The following ATP13A2 variants were observed in gnomAD, a reference collection of about 807,000 sequenced individuals.
The protein encoded by ATP13A2 is ATPase cation transporting 13A2, also known as polyamine-transporting ATPase 13A2.
A neutral mutation model predicts 138.3 loss-of-function variants in ATP13A2; 83 were observed. The ratio of observed to expected loss-of-function variants is 0.60; its 90% CI spans 0.50 to 0.72. The LOEUF (loss-of-function observed/expected upper bound fraction) is 0.72, where lower values mean the gene tolerates loss of function less well. Among genes scored for constraint, ATP13A2 ranks in the 30% least tolerant of loss-of-function variants. The probability of loss-of-function intolerance (pLI) is 0.00; values close to 1 mark genes in which losing one functional copy is unlikely to be tolerated. For missense variants in ATP13A2, 1,402 were observed against 1,606.4 expected (o/e 0.87, Z 2.17); for synonymous variants, 663 against 699.0 (o/e 0.95, Z 0.81).
chr1:16,988,582 G>C, intron 23 of ATP13A2, 108 bp from the exon 24 acceptor site: 9 of 1,309,784 alleles, frequency 6.9e-6, no homozygotes, highest in Non-Finnish European at 9.9e-6. Flanking sequence ...ATGGTGCCTG[G>C]TGTACAGGAG....
In ATP13A2 at chr1:16,988,193, T is replaced by C; in HGVS notation, c.2804A>G (p.Lys935Arg). Residue 935 changes from lysine (K) to arginine (R), a missense_variant, in exon 25 of 29, where the codon AAG becomes AGG. Lys to Arg is a conservative substitution (Grantham distance 26, BLOSUM62 2). Transcript: ENST00000326735. ...GGTCAGGCTGTACAGAGCCATGTAC[T>C]TGAAGACGCTGAACGAAGTGTCAAG... Reference protein sequence around the residue: ...CSLDTSFSVFKYMALYSLTQF... With the variant: ...CSLDTSFSVFRYMALYSLTQF... The C allele has an allele frequency of 1.9e-6, 3 of 1,614,200 alleles. No individual in the cohort carries two copies. Among genetic ancestry groups the C allele is most frequent in the East Asian group, 4.5e-5 (2 of 44,874 alleles).
intron 1 of ATP13A2, among the ~76,000 whole-genome samples, chr1:17,008,358 A>C (rs764589110): frequency 4.6e-5 from 7 of 152,058 alleles, no homozygotes; most frequent in Non-Finnish European, 8.8e-5. Flanking sequence ...ATTTGTTCCT[A>C]AGAATTTCTT....
rs202166353 is a variant in ATP13A2 at position 16,987,089 on chromosome 1, C to T, written c.3040G>A (p.Gly1014Ser). ...AGGAAGTAGCCCCCTAGCTGCACGC[C>T]GGTCACCAGGACCATCTGCAGCAGC... ...SLLLQMVLVT[G>S]VQLGGYFLTL... The change falls in exon 26 of 29, where the codon GGC (glycine) becomes AGC (serine). Residue 1014 changes from glycine (G) to serine (S), a missense_variant. Coordinates refer to ENST00000326735, the MANE Select transcript of ATP13A2 (RefSeq NM_022089.4). 3.2e-5 allele frequency: 51 copies of T among 1,613,428 alleles called. 1 individual carries two copies. The highest frequency in any genetic ancestry group is 2.5e-4 in the East Asian group (11 of 44,872).
rs1385085235 is a variant in ATP13A2, at chr1:16,996,138, C to G, written c.1380G>C (p.Arg460=). ...NRVPLNEIVI[R]ALDLVTVVVP... The stretch of plus-strand genomic sequence containing the variant: ...CCACCACGGTCACCAGGTCGAGAGC[C>G]CGGATTACAATCTCATTCAGAGGCA... The change falls in exon 15 of 29, where the codon CGG becomes CGC. Residue 460 remains arginine, a synonymous_variant. Coordinates refer to ENST00000326735, the MANE Select transcript of ATP13A2 (RefSeq NM_022089.4). 25 of 1,614,068 alleles carry G rather than the reference C, an allele frequency of 1.5e-5. No homozygotes were observed. The highest frequency in any genetic ancestry group is 2.0e-5 in the Non-Finnish European group (24 of 1,180,034).
At chr1:17,003,666 C>CT (rs71006407) in intron 6 of ATP13A2, among the ~76,000 whole-genome samples, 5 of 129,812 alleles carry the variant, frequency 3.9e-5, no homozygotes, top group Admixed American at 7.8e-5. Flanking sequence ...GTTTCTTTTT[C>CT]TTTTTTTTTT....
chr1:16,996,239 AC>A lies in ATP13A2; in HGVS notation c.1353+14del. On this transcript the variant is annotated intron_variant, in intron 14 of 28. Transcript: ENST00000326735. ...CCCTGCTGGCAGCACCCCCCACCCC[AC>A]CCCCAAGGCTTACCCGGTTTCGGTA... The A allele has an allele frequency of 6.2e-7, 1 of 1,612,738 alleles. No homozygotes were observed. The highest frequency in any genetic ancestry group is 8.5e-7 in the Non-Finnish European group (1 of 1,179,334).
Position 17,011,674 on chromosome 1 carries a change from A to C in ATP13A2, c.10+55T>G. The C allele has an allele frequency of 6.8e-7, 1 of 1,476,802 alleles. No homozygotes were observed. 91.5% of individuals were successfully genotyped at this position (1,476,802 alleles called of 1,614,324 possible). A position where few individuals can be genotyped will look rare whatever the true frequency, so the allele number is the denominator to read the frequency against. On this transcript the variant is annotated intron_variant, in intron 1 of 28. Transcript: ENST00000326735. This position sits in a 1 kb window ranked among gnomAD's most constrained non-coding sequence, Gnocchi z 7.3. ...CCTCTCCCTCCAAGGGGTGACGACA[A>C]CTGGCGGGCCGGGGACCGCGCCGGG...
chr1:17,011,643 G>A lies in ATP13A2; in HGVS notation c.10+86C>T. The A allele has an allele frequency of 6.4e-6, 9 of 1,405,114 alleles. No individual in the cohort carries two copies. Among genetic ancestry groups the A allele is most frequent in the South Asian group, 1.4e-5 (1 of 69,230 alleles). The allele number at this position is 1,405,114 out of a possible 1,614,324, so 87.0% of individuals were successfully genotyped here. ...TCGCGACCCCGCGGTGGGGGGCGTCGCCTCCCCTCTCCCTCCAAGGGGTGA... is the reference window on the plus strand; with the variant it reads ...TCGCGACCCCGCGGTGGGGGGCGTCACCTCCCCTCTCCCTCCAAGGGGTGA... On this transcript the variant is annotated intron_variant, in intron 1 of 28. Transcript: ENST00000326735. This position sits in a 1 kb window ranked among gnomAD's most constrained non-coding sequence, Gnocchi z 7.3.
At chr1:17,007,235 G>A (rs1172380837) in intron 1 of ATP13A2, among the ~76,000 whole-genome samples, 2 of 152,144 alleles carry the variant, frequency 1.3e-5, no homozygotes, top group African/African-American at 4.8e-5. Flanking sequence ...TAGCAGGGCA[G>A]GCAGCCAGTG....
At position 16,990,144 on chromosome 1, in the gene ATP13A2, C is replaced by A. The variant is rs1291387622; in HGVS notation, c.2395G>T (p.Ala799Ser). ...AGCCTCACCTTAACGCCATTCACGG[C>A]TGTGGGGGACTCCATCGGCAGGAAC... ...LEFLPMESPTAVNGVKDPDQA... is the reference protein window; with the variant it reads ...LEFLPMESPTSVNGVKDPDQA... Residue 799 changes from alanine (A) to serine (S), a missense_variant, in exon 21 of 29, where the codon GCC becomes TCC. Coordinates refer to ENST00000326735, the MANE Select transcript of ATP13A2 (RefSeq NM_022089.4). The A allele has an allele frequency of 1.9e-6, 3 of 1,614,162 alleles. No individual in the cohort carries two copies. Among genetic ancestry groups the A allele is most frequent in the Non-Finnish European group, 2.5e-6 (3 of 1,180,032 alleles).
At chr1:16,987,005 G>A (rs1557667288) in intron 26 of ATP13A2, 41 bp downstream of exon 26, 2 of 1,598,212 alleles carry the variant, frequency 1.3e-6, no homozygotes, top group Non-Finnish European at 1.7e-6. Flanking sequence ...GGTGGACAGG[G>A]AAGGGGCGGG....
intron 3 of ATP13A2, 113 bp downstream of exon 3, chr1:17,005,261 C>A: frequency 6.7e-7 from 1 of 1,495,242 alleles, no homozygotes; most frequent in Middle Eastern, 2.2e-4. Context: ...AAGAGCGGGA[C>A]CTGCCTAATG....
Position 17,011,814 on chromosome 1 carries a change from G to A in ATP13A2, c.-76C>T. On this transcript the variant is annotated 5_prime_UTR_variant, in exon 1 of 29. Transcript: ENST00000326735. This position sits in a 1 kb window ranked among gnomAD's most constrained non-coding sequence, Gnocchi z 7.3. ...GGCCCCGGCGTGCGCAAGGCCCTGGGCGGGGGCGCGGTCCGGACGGCCCGG... is the reference window on the plus strand; with the variant it reads ...GGCCCCGGCGTGCGCAAGGCCCTGGACGGGGGCGCGGTCCGGACGGCCCGG... 8.7e-7 allele frequency: 1 copy of A among 1,150,558 alleles called. No homozygotes were observed. The highest frequency in any genetic ancestry group is 1.1e-6 in the Non-Finnish European group (1 of 941,008). 71.3% of individuals were successfully genotyped at this position (1,150,558 alleles called of 1,614,324 possible).
rs2871776 is a variant in ATP13A2, at chr1:17,001,806, T to C, written c.705+228A>G. On this transcript the variant is annotated intron_variant, in intron 8 of 28. Coordinates refer to ENST00000326735, the MANE Select transcript of ATP13A2 (RefSeq NM_022089.4). ...TTTGCCTCTTGGCCTCCAATCCCTA[T>C]GAGTGGGGCCCCAATCTGTGACCCA... 0.56 allele frequency among the ~76,000 whole-genome samples: 85,357 copies of C among 152,086 alleles called. 24,940 individuals are homozygous for C. The highest frequency in any genetic ancestry group is 0.73 in the African/African-American group (30,136 of 41,514).
Position 16,996,350 on chromosome 1 carries a change from G to A in ATP13A2, c.1306+36C>T, listed in dbSNP as rs750974506. ...TGGGATTTGGGACCCAGGTGGGGGGGGCTATGGGCAGAGGAGGGTGCAGGG... is the reference window on the plus strand; with the variant it reads ...TGGGATTTGGGACCCAGGTGGGGGGAGCTATGGGCAGAGGAGGGTGCAGGG... On this transcript the variant is annotated intron_variant, in intron 13 of 28. Transcript: ENST00000326735. The A allele has an allele frequency of 7.4e-6, 12 of 1,613,690 alleles. No homozygotes were observed. The East Asian group carries it at 1.1e-4, about 15-fold the overall frequency.
intron 3 of ATP13A2, 80 bp from the exon 4 acceptor site, chr1:17,005,152 G>A: frequency 6.3e-7 from 1 of 1,581,580 alleles, no homozygotes; most frequent in Non-Finnish European, 8.7e-7. Context: ...GGCGGCCCCT[G>A]CTGGAGAAGG....
rs769569093 is a variant in ATP13A2 at position 16,992,411 on chromosome 1, T to C, written c.1846-9A>G. 2 of 1,613,374 alleles carry C rather than the reference T, an allele frequency of 1.2e-6. No homozygotes were observed. Among genetic ancestry groups the C allele is most frequent in the Non-Finnish European group, 1.7e-6 (2 of 1,179,814 alleles). The stretch of plus-strand genomic sequence containing the variant: ...GGCACCGGGGGCTCCTCCTGCAGGG[T>C]TGGAGAGGCAGCTGAGGTGCTGGCT... On this transcript the variant is annotated splice_polypyrimidine_tract_variant and intron_variant, in intron 17 of 28. Coordinates refer to ENST00000326735, the MANE Select transcript of ATP13A2 (RefSeq NM_022089.4).
Position 16,986,537 on chromosome 1 carries a change from T to C in ATP13A2, c.3331A>G (p.Ile1111Val). 1.2e-6 allele frequency: 2 copies of C among 1,612,650 alleles called. No individual in the cohort carries two copies. The highest frequency in any genetic ancestry group is 1.7e-6 in the Non-Finnish European group (2 of 1,179,874). Residue 1111 changes from isoleucine to valine, a missense_variant, in exon 28 of 29, where the codon ATC becomes GTC. Transcript: ENST00000326735. This position sits in a 1 kb window ranked among gnomAD's most constrained non-coding sequence, Gnocchi z 6.9. ...AGCAGCTTGAAGCCGGTGTCAGTGATGTTCCTCAGCGCCAGCGGCCCCTGC... is the reference window on the plus strand; with the variant it reads ...AGCAGCTTGAAGCCGGTGTCAGTGACGTTCCTCAGCGCCAGCGGCCCCTGC... ...LLQGPLALRN[I>V]TDTGFKLLLL...
intron 23 of ATP13A2, 36 bp downstream of exon 23, chr1:16,989,655 G>C: frequency 6.2e-7 from 1 of 1,605,966 alleles, no homozygotes; most frequent in South Asian, 1.1e-5. Flanking sequence ...CTCAGTCTCC[G>C]CAGGCCCTTG....
Sources: allele counts gnomAD v4.1 joint callset (sites outside exome capture counted in the v4.1 genomes callset), GRCh38; gene constraint gnomAD v4.1.1; non-coding constraint Gnocchi (gnomAD v3.1); transcripts MANE v1.5; gene names NCBI Gene and HGNC (gene_info 2026-07-23, HGNC 2026-07-21).